PIEZO2: variants seen among roughly 807,000 people sequenced by gnomAD.
PIEZO2 encodes piezo type mechanosensitive ion channel component 2.
Under a neutral mutation model 337.3 loss-of-function variants are expected in PIEZO2, and 172 were observed. That is an observed-to-expected ratio of 0.51 (90% CI 0.45 to 0.58). The LOEUF (loss-of-function observed/expected upper bound fraction) is 0.58. Ranked by LOEUF, PIEZO2 falls within the 20% of genes least tolerant of loss-of-function variation. The pLI is 0.00. For synonymous variants in PIEZO2, 1,251 were observed against 1,228.5 expected (o/e 1.02, Z -0.38); for missense variants, 3,028 against 3,391.3 (o/e 0.89, Z 2.66).
In PIEZO2 at chr18:10,697,774, G is replaced by A. The variant is rs200633417; in HGVS notation, c.6801C>T (p.Ile2267=). The A allele has an allele frequency of 2.5e-6, 4 of 1,614,144 alleles. No homozygotes were observed. Among genetic ancestry groups the A allele is most frequent in the Non-Finnish European group, 3.4e-6 (4 of 1,180,032 alleles). ...TCTTTATGGTAAAGGCTTTTGCTTTGATTAAATGTTCTTGAAGCTTTTCCA... is the reference window on the plus strand; with the variant it reads ...TCTTTATGGTAAAGGCTTTTGCTTTAATTAAATGTTCTTGAAGCTTTTCCA... ...LYMEKLQEHL[I]KAKAFTIKKT... Residue 2267 remains isoleucine, a synonymous_variant, in exon 45 of 56, where the codon ATC becomes ATT. Coordinates refer to ENST00000674853, the MANE Select transcript of PIEZO2 (RefSeq NM_001378183.1).
At chr18:10,933,694 G>T (rs1162074934) in intron 3 of PIEZO2, among the ~76,000 whole-genome samples, 1 of 152,160 alleles carries the variant, frequency 6.6e-6, no homozygotes, top group Non-Finnish European at 1.5e-5. Context: ...TGGAATGAAG[G>T]GGCGGTGACA....
Position 10,821,453 on chromosome 18 carries a change from C to CA in PIEZO2, c.918-14180dup, listed in dbSNP as rs762818260. 6.6e-6 allele frequency among the ~76,000 whole-genome samples: 1 copy of CA among 152,072 alleles called. No individual in the cohort carries two copies. Among genetic ancestry groups the CA allele is most frequent in the Non-Finnish European group, 1.5e-5 (1 of 68,032 alleles). On this transcript the variant is annotated intron_variant, in intron 7 of 55. Transcript: ENST00000674853. This position sits in a 1 kb window ranked among gnomAD's most constrained non-coding sequence, Gnocchi z 4.2. ...ACTTGCATAAAGGTATCTACCTACC[C>CA]ACCTAGAAGTAGAATGTTCTGATTA... is the stretch of plus-strand genomic sequence containing the variant.
Position 11,017,482 on chromosome 18 carries a change from C to CT in PIEZO2, c.161-37823dup, listed in dbSNP as rs35472040. On this transcript the variant is annotated intron_variant, in intron 2 of 55. Transcript: ENST00000674853. ...CTTTTTTTTTTGAGATGCAGTTTTG[C>CT]TTTTTTTTTTTTTACTGGGTATGTA... Among the ~76,000 whole-genome samples, 259 of 141,424 alleles carry CT rather than the reference C, an allele frequency of 1.8e-3. 1 individual carries two copies. The highest frequency in any genetic ancestry group is 0.012 in the East Asian group (57 of 4,736). The allele number at this position is 141,424 out of a possible 152,430, so 92.8% of individuals were successfully genotyped here.
intron 3 of PIEZO2, among the ~76,000 whole-genome samples, chr18:10,951,541 G>A (rs2033296254): frequency 2.0e-5 from 3 of 152,138 alleles, no homozygotes; most frequent in Admixed American, 2.0e-4. Flanking sequence ...CTGCTGTGTT[G>A]CCACCACTAC....
Position 10,750,886 on chromosome 18 carries a change from G to A in PIEZO2, c.4168-699C>T, listed in dbSNP as rs976302777. ...TTTGCTCCAACAGCAGCAGTTACTC[G>A]TTATGGATTCCCCAGCCCTGGGAAT... On this transcript the variant is annotated intron_variant, in intron 28 of 55. Transcript: ENST00000674853. The surrounding 1 kb of genome is among the most constrained non-coding windows in gnomAD (Gnocchi z 4.1). 6.6e-5 allele frequency among the ~76,000 whole-genome samples: 10 copies of A among 152,176 alleles called. No homozygotes were observed. Among genetic ancestry groups the A allele is most frequent in the Non-Finnish European group, 1.3e-4 (9 of 68,026 alleles).
At chr18:11,123,954 T>C (rs1347486690) in intron 1 of PIEZO2, among the ~76,000 whole-genome samples, 2 of 152,184 alleles carry the variant, frequency 1.3e-5, no homozygotes, top group Non-Finnish European at 1.5e-5. Context: ...AGGAAAAGTA[T>C]GTGAGATAAT....
chr18:11,076,948 C>T (rs1482176400), intron 1 of PIEZO2, among the ~76,000 whole-genome samples: 3 of 152,174 alleles, frequency 2.0e-5, no homozygotes, highest in Admixed American at 2.0e-4. Context: ...AAACCCAAAT[C>T]CTTGTGTTCA....
At chr18:10,868,092 T>C (rs2042051802) in intron 5 of PIEZO2, among the ~76,000 whole-genome samples, 1 of 152,304 alleles carries the variant, frequency 6.6e-6, no homozygotes, top group East Asian at 1.9e-4. Flanking sequence ...TTGAGCCTTA[T>C]CAAATCAGTG....
intron 3 of PIEZO2, among the ~76,000 whole-genome samples, chr18:10,913,887 T>C (rs972665489): frequency 6.6e-6 from 1 of 152,120 alleles, no homozygotes; most frequent in East Asian, 1.9e-4. Context: ...ATTGATACTT[T>C]CCTAACCATC....
chr18:10,894,152 T>C lies in PIEZO2; in HGVS notation c.329+17034A>G, dbSNP rs7230818. On this transcript the variant is annotated intron_variant, in intron 4 of 55. Coordinates refer to ENST00000674853, the MANE Select transcript of PIEZO2 (RefSeq NM_001378183.1). The surrounding 1 kb of genome is among the most constrained non-coding windows in gnomAD (Gnocchi z 4.1). ...AGGTGGGTGAATGGGCTCAAGCATG[T>C]GCATTAAGAGGCAAAATGGGCCAAG... Among the ~76,000 whole-genome samples, 669 of 152,242 alleles carry C rather than the reference T, an allele frequency of 4.4e-3. 5 individuals carry two copies. The highest frequency in any genetic ancestry group is 0.015 in the African/African-American group (640 of 41,560).
intron 33 of PIEZO2, 167 bp downstream of exon 33, chr18:10,740,864 G>A (rs746817069): frequency 5.5e-6 from 4 of 730,478 alleles, no homozygotes; most frequent in South Asian, 3.0e-5. Context: ...ATTGGACCCC[G>A]GGCTCAAAGA....
chr18:11,148,264 T>C lies in PIEZO2; in HGVS notation c.64+261A>G, dbSNP rs1463035058. Among the ~76,000 whole-genome samples, 5 of 151,994 alleles carry C rather than the reference T, an allele frequency of 3.3e-5. No individual in the cohort carries two copies. The highest frequency in any genetic ancestry group is 4.8e-5 in the African/African-American group (2 of 41,358). On this transcript the variant is annotated intron_variant, in intron 1 of 55. Coordinates refer to ENST00000674853, the MANE Select transcript of PIEZO2 (RefSeq NM_001378183.1). This position sits in a 1 kb window ranked among gnomAD's most constrained non-coding sequence, Gnocchi z 5.2. ...CAAGTCAGTACTCCACGAAAGAAAA[T>C]CCACGTGTAACTAAATTCAACATAA...
At chr18:11,103,830 T>TGTGC (rs2039486321) in intron 1 of PIEZO2, among the ~76,000 whole-genome samples, 1 of 152,036 alleles carries the variant, frequency 6.6e-6, no homozygotes, top group Non-Finnish European at 1.5e-5. Context: ...TGTGTGCGTG[T>TGTGC]GTGTGTGTGA....
rs1257229507 is a variant in PIEZO2 at position 11,002,064 on chromosome 18, T to TA, written c.161-22405dup. On this transcript the variant is annotated intron_variant, in intron 2 of 55. Coordinates refer to ENST00000674853, the MANE Select transcript of PIEZO2 (RefSeq NM_001378183.1). This position sits in a 1 kb window ranked among gnomAD's most constrained non-coding sequence, Gnocchi z 4.3. Reference sequence around the variant, plus strand: ...GCTTTGTGAGACACATAGTCTCTGTTACAATGACTCAATTCTGCTACTGTA... The same window carrying TA: ...GCTTTGTGAGACACATAGTCTCTGTTAACAATGACTCAATTCTGCTACTGTA... Among the ~76,000 whole-genome samples the TA allele has an allele frequency of 6.6e-6, 1 of 152,212 alleles. No individual in the cohort carries two copies. Among genetic ancestry groups the TA allele is most frequent in the Non-Finnish European group, 1.5e-5 (1 of 68,044 alleles).
At chr18:10,858,933 C>G (rs911357631) in intron 5 of PIEZO2, among the ~76,000 whole-genome samples, 3 of 152,180 alleles carry the variant, frequency 2.0e-5, no homozygotes, top group Non-Finnish European at 2.9e-5. Flanking sequence ...CATGCTCAAT[C>G]AATAAGATTT....
chr18:11,122,219 T>C (rs2040049480), intron 1 of PIEZO2, among the ~76,000 whole-genome samples: 1 of 152,210 alleles, frequency 6.6e-6, no homozygotes, highest in African/African-American at 2.4e-5. Flanking sequence ...CCTCCCAAAG[T>C]GCTGGGATTA....
chr18:10,701,950 A>G, intron 43 of PIEZO2, 39 bp downstream of exon 43: 1 of 1,458,384 alleles, frequency 6.9e-7, no homozygotes, highest in Non-Finnish European at 9.0e-7. Context: ...ATCTAGGAAG[A>G]TGACCAACTT....
In PIEZO2 at chr18:10,886,341, T is replaced by C. The variant is rs9959677; in HGVS notation, c.330-14926A>G. 3.2e-4 allele frequency among the ~76,000 whole-genome samples: 4 copies of C among 12,678 alleles called. No individual in the cohort carries two copies. The East Asian group carries it at 0.03, about 95-fold the overall frequency. The allele number at this position is 12,678 out of a possible 152,430, so 8.3% of individuals were successfully genotyped here. Reference sequence around the variant, plus strand: ...ATACATACATATATATATATATATATATACACACACACACACACACATATA... The same window carrying C: ...ATACATACATATATATATATATATACATACACACACACACACACACATATA... On this transcript the variant is annotated intron_variant, in intron 4 of 55. Coordinates refer to ENST00000674853, the MANE Select transcript of PIEZO2 (RefSeq NM_001378183.1).
Position 10,744,252 on chromosome 18 carries a change from T to C in PIEZO2, c.4425-21A>G, listed in dbSNP as rs759604178. 3 of 1,414,458 alleles carry C rather than the reference T, an allele frequency of 2.1e-6. 1 individual carries two copies. Among genetic ancestry groups the C allele is most frequent in the East Asian group, 2.5e-5 (1 of 40,298 alleles). 87.6% of individuals were successfully genotyped at this position (1,414,458 alleles called of 1,614,324 possible). ...CTCCTCTAAAGGGAAAGTGGAAACA[T>C]GAACAAGTCAATATTCTTGCCATTG... is the stretch of plus-strand genomic sequence containing the variant. On this transcript the variant is annotated intron_variant, in intron 30 of 55. Transcript: ENST00000674853.
Sources: gnomAD v4.1 joint callset for allele counts (sites outside exome capture counted in the v4.1 genomes callset) on GRCh38, gnomAD v4.1.1 for gene constraint, Gnocchi (gnomAD v3.1) non-coding constraint, MANE v1.5 for transcripts, NCBI Gene and HGNC (gene_info 2026-07-23, HGNC 2026-07-21) for gene names.